The following SLFN12L variants were observed in gnomAD, a reference collection of about 807,000 sequenced individuals.
SLFN12L encodes schlafen family member 12 like.
A neutral mutation model predicts 34.8 loss-of-function variants in SLFN12L; 34 were observed. That is an observed-to-expected ratio of 0.98 (90% CI 0.74 to 1.30). The LOEUF (loss-of-function observed/expected upper bound fraction) is 1.30. SLFN12L is among the 50% of genes most tolerant of loss of function. The pLI is 0.00. For missense variants in SLFN12L, 703 were observed against 696.2 expected (o/e 1.01, Z -0.11); for synonymous variants, 259 against 247.5 (o/e 1.05, Z -0.44).
chr17:35,475,638 C>T (rs1000946189), intron 4 of SLFN12L, among the ~76,000 whole-genome samples, 153 bp from the exon 5 acceptor site: 5 of 152,136 alleles, frequency 3.3e-5, no homozygotes, highest in Non-Finnish European at 7.3e-5. Context: ...GTGGCTCACA[C>T]CTGTAATAAC....
chr17:35,480,840 G>A lies in SLFN12L; in HGVS notation c.87-645C>T, dbSNP rs186308273. The stretch of plus-strand genomic sequence containing the variant: ...TAATCGTGGGTGGCAAGCCACCCAG[G>A]TGCCAAGGCAAGAGACTGAGGGCAC... On this transcript the variant is annotated intron_variant, in intron 2 of 4. Transcript: ENST00000628453. Among the ~76,000 whole-genome samples, 383 of 152,124 alleles carry A rather than the reference G, an allele frequency of 2.5e-3. 2 individuals are homozygous for A. Among genetic ancestry groups the A allele is most frequent in the Admixed American group, 6.5e-3 (99 of 15,290 alleles).
chr17:35,467,485 A>G lies in SLFN12L; in HGVS notation c.*7438T>C, dbSNP rs986097735. On this transcript the variant is annotated 3_prime_UTR_variant, in exon 5 of 5. Coordinates refer to ENST00000628453, the MANE Select transcript of SLFN12L (RefSeq NM_001363830.2). The stretch of plus-strand genomic sequence containing the variant: ...ACACATTTCACATTGCAAAATACAC[A>G]CTGAATGGGCTCCCGAAACAAACAG... Among the ~76,000 whole-genome samples, 3 of 152,188 alleles carry G rather than the reference A, an allele frequency of 2.0e-5. No individual in the cohort carries two copies. The highest frequency in any genetic ancestry group is 2.9e-5 in the Non-Finnish European group (2 of 68,020).
chr17:35,483,313 A>G lies in SLFN12L; in HGVS notation c.87-3118T>C, dbSNP rs139036787. Among the ~76,000 whole-genome samples, 1,045 of 152,216 alleles carry G rather than the reference A, an allele frequency of 6.9e-3. 11 individuals are homozygous for G. Among genetic ancestry groups the G allele is most frequent in the African/African-American group, 0.024 (998 of 41,510 alleles). ...AATAAAGCTCATCTTCGTCTTGTTC[A>G]CCCTTCACTTGTCTGCATACCTCAT... On this transcript the variant is annotated intron_variant, in intron 2 of 4. Transcript: ENST00000628453.
intron 2 of SLFN12L, among the ~76,000 whole-genome samples, chr17:35,505,707 G>A (rs1296487823): frequency 6.6e-6 from 1 of 152,156 alleles, no homozygotes; most frequent in Non-Finnish European, 1.5e-5. Context: ...AGTAGACTGT[G>A]AGCGGTACAT....
chr17:35,477,825 C>T (rs1914102573), intron 4 of SLFN12L, among the ~76,000 whole-genome samples: 1 of 152,084 alleles, frequency 6.6e-6, no homozygotes, highest in African/African-American at 2.4e-5. Context: ...AGTGAGCTAT[C>T]TACTTTGGAA....
At chr17:35,495,518 G>A (rs1366274701) in intron 2 of SLFN12L, among the ~76,000 whole-genome samples, 1 of 152,162 alleles carries the variant, frequency 6.6e-6, no homozygotes, top group Non-Finnish European at 1.5e-5. Flanking sequence ...CCCAGTTTGT[G>A]GCATCTCCAG....
At chr17:35,491,031 T>G (rs1330352230) in intron 2 of SLFN12L, 1 of 787,640 alleles carries the variant, frequency 1.3e-6, no homozygotes, top group Non-Finnish European at 2.3e-6. Context: ...GCCAACCTCT[T>G]ACAGCAGACT....
chr17:35,477,697 C>A (rs1216025295), intron 4 of SLFN12L, among the ~76,000 whole-genome samples: 1 of 151,574 alleles, frequency 6.6e-6, no homozygotes, highest in Non-Finnish European at 1.5e-5. Context: ...AAATAAATAC[C>A]GATTTGACTG....
At chr17:35,508,023 C>A (rs1045329352) in intron 2 of SLFN12L, among the ~76,000 whole-genome samples, 2 of 152,182 alleles carry the variant, frequency 1.3e-5, no homozygotes, top group African/African-American at 2.4e-5. Flanking sequence ...TGGTGCCGTG[C>A]CCTGGGCCTG....
chr17:35,534,746 C>T (rs926104885), intron 1 of SLFN12L, among the ~76,000 whole-genome samples: 1 of 152,168 alleles, frequency 6.6e-6, no homozygotes, highest in Non-Finnish European at 1.5e-5. Context: ...GATACTGCTT[C>T]TCACCCCAGA....
At position 35,470,841 on chromosome 17, in the gene SLFN12L, G is replaced by A. The variant is rs1213267752; in HGVS notation, c.*4082C>T. On this transcript the variant is annotated 3_prime_UTR_variant, in exon 5 of 5. Coordinates refer to ENST00000628453, the MANE Select transcript of SLFN12L (RefSeq NM_001363830.2). ...CCCACCCCACAACAGGCCCTGGTGT[G>A]TGTTAATCCTTTCCCTGTGTCCATG... 2.6e-5 allele frequency among the ~76,000 whole-genome samples: 4 copies of A among 151,902 alleles called. No homozygotes were observed. The highest frequency in any genetic ancestry group is 7.3e-5 in the African/African-American group (3 of 41,310).
In SLFN12L at chr17:35,479,749, A is replaced by G; in HGVS notation, c.533T>C (p.Val178Ala). 1 of 1,614,114 alleles carries G rather than the reference A, an allele frequency of 6.2e-7. No individual in the cohort carries two copies. Among genetic ancestry groups the G allele is most frequent in the South Asian group, 1.1e-5 (1 of 91,064 alleles). ...CTCCAGTGCAGCAGAAGCATTCATG[A>G]CTTTTGCAGACGTTACATCTCTCTT... Reference protein sequence around the residue: ...LYKRDVTSAKVMNASAALEFL... With the variant: ...LYKRDVTSAKAMNASAALEFL... Residue 178 changes from valine to alanine, a missense_variant, in exon 3 of 5, where the codon GTC (valine) becomes GCC (alanine). Physicochemically the swap from Val to Ala is moderately conservative, Grantham distance 64 (BLOSUM62 0). Transcript: ENST00000628453.
chr17:35,485,349 C>A lies in SLFN12L; in HGVS notation c.87-5154G>T, dbSNP rs145660698. On this transcript the variant is annotated intron_variant, in intron 2 of 4. Transcript: ENST00000628453. ...CTTTTGAGAAGTTTCTGTTCATGCC[C>A]TTTGCACATTTTTTAAATGGAGTTG... 2.2e-3 allele frequency among the ~76,000 whole-genome samples: 335 copies of A among 152,194 alleles called. 2 individuals are homozygous for A. The highest frequency in any genetic ancestry group is 7.6e-3 in the African/African-American group (314 of 41,536).
At chr17:35,477,709 G>A (rs1203514664) in intron 4 of SLFN12L, among the ~76,000 whole-genome samples, 4 of 151,950 alleles carry the variant, frequency 2.6e-5, no homozygotes, top group African/African-American at 9.7e-5. Context: ...ATTTGACTGA[G>A]GAAGAAAAGA....
chr17:35,474,305 G>A lies in SLFN12L; in HGVS notation c.*618C>T, dbSNP rs1913858755. ...TCTGATATTTCCTTTATAGTCAAAT[G>A]ACATCTTGGTATGGCAAAACATGTG... On this transcript the variant is annotated 3_prime_UTR_variant, in exon 5 of 5. Coordinates refer to ENST00000628453, the MANE Select transcript of SLFN12L (RefSeq NM_001363830.2). The A allele has an allele frequency of 6.6e-6, 1 of 152,178 alleles. No homozygotes were observed. The highest frequency in any genetic ancestry group is 2.4e-5 in the African/African-American group (1 of 41,420). The allele number at this position is 152,178 out of a possible 1,614,324, so 9.4% of individuals were successfully genotyped here.
chr17:35,487,746 G>A (rs1217348764), intron 2 of SLFN12L: 1 of 1,535,950 alleles, frequency 6.5e-7, no homozygotes, highest in Non-Finnish European at 8.7e-7. Flanking sequence ...CCATGTCTGC[G>A]CACTCTTCAC....
intron 1 of SLFN12L, among the ~76,000 whole-genome samples, chr17:35,523,420 A>G (rs115812811): frequency 6.6e-6 from 1 of 152,286 alleles, no homozygotes; most frequent in African/African-American, 2.4e-5. Context: ...CATTAGCACA[A>G]TATTTGCGGA....
intron 2 of SLFN12L, among the ~76,000 whole-genome samples, chr17:35,491,805 A>C (rs1165609430): frequency 3.9e-5 from 6 of 152,242 alleles, no homozygotes; most frequent in Non-Finnish European, 8.8e-5. Flanking sequence ...AATTCAGTTT[A>C]AGCTATGAAC....
Position 35,465,468 on chromosome 17 carries a change from T to G in SLFN12L, c.*9455A>C, listed in dbSNP as rs1263782010. 6.6e-6 allele frequency among the ~76,000 whole-genome samples: 1 copy of G among 152,078 alleles called. No homozygotes were observed. Among genetic ancestry groups the G allele is most frequent in the Non-Finnish European group, 1.5e-5 (1 of 68,026 alleles). ...AAATAATAAATTAAAATTAAATTTT[T>G]GGCACTCAAAAATTGGCTTGATAAA... On this transcript the variant is annotated 3_prime_UTR_variant, in exon 5 of 5. Coordinates refer to ENST00000628453, the MANE Select transcript of SLFN12L (RefSeq NM_001363830.2).
Sources: gnomAD v4.1 joint callset for allele counts (sites outside exome capture counted in the v4.1 genomes callset) on GRCh38, gnomAD v4.1.1 for gene constraint, MANE v1.5 for transcripts, NCBI Gene and HGNC (gene_info 2026-07-23, HGNC 2026-07-21) for gene names.